CARD8: variants seen among roughly 807,000 people sequenced by gnomAD.
CARD8 encodes the protein caspase recruitment domain family member 8.
A neutral mutation model predicts 53.2 loss-of-function variants in CARD8; 38 were observed. That is an observed-to-expected ratio of 0.71 (90% CI 0.55 to 0.94). CARD8 has a LOEUF of 0.94. Among genes scored for constraint, CARD8 ranks in the 40% least tolerant of loss-of-function variants. The probability of loss-of-function intolerance (pLI) is 0.00; values close to 1 mark genes in which losing one functional copy is unlikely to be tolerated. For synonymous variants in CARD8, 245 were observed against 244.9 expected (o/e 1.00, Z 0.00); for missense variants, 561 against 655.5 (o/e 0.86, Z 1.57).
chr19:48,252,620 G>A (rs182679095), intron 1 of CARD8, among the ~76,000 whole-genome samples: 2 of 151,628 alleles, frequency 1.3e-5, no homozygotes, highest in Non-Finnish European at 2.9e-5. Flanking sequence ...TCAGCCTTCC[G>A]AGTAGCTAGG....
chr19:48,203,909 C>A (rs1039342688), downstream of CARD8: 8 of 289,600 alleles, frequency 2.8e-5, no homozygotes, highest in Admixed American at 1.4e-4. Context: ...CTACAACTCC[C>A]AGCCGGCTGA....
chr19:48,246,436 C>T (rs75419340), intron 3 of CARD8, among the ~76,000 whole-genome samples: 2 of 152,262 alleles, frequency 1.3e-5, no homozygotes, highest in East Asian at 3.9e-4. Context: ...TGTGTGTTTA[C>T]AGCTACTAAG....
At chr19:48,228,261 G>T (rs1050509367) in intron 10 of CARD8, among the ~76,000 whole-genome samples, 2 of 152,210 alleles carry the variant, frequency 1.3e-5, no homozygotes, top group African/African-American at 2.4e-5. Context: ...ATATTACAAT[G>T]TAATAATAAT....
intron 6 of CARD8, chr19:48,234,192 G>C (rs9304675): frequency 0.31 from 158,593 of 511,304 alleles, 25,638 homozygotes; most frequent in East Asian, 0.41. Flanking sequence ...TTGCCTTTTT[G>C]TGTATAGGTT....
intron 13 of CARD8, among the ~76,000 whole-genome samples, chr19:48,214,784 T>C (rs1022326466): frequency 0.023 from 2,781 of 119,440 alleles, 152 homozygotes; most frequent in Middle Eastern, 0.052. Context: ...TTTTTTTTTT[T>C]TTTTTTTTTT....
At chr19:48,235,867 C>T (rs1440055521) in intron 5 of CARD8, among the ~76,000 whole-genome samples, 1 of 150,746 alleles carries the variant, frequency 6.6e-6, no homozygotes, top group African/African-American at 2.4e-5. Flanking sequence ...AAGAAAATAA[C>T]TGAGGAATTA....
chr19:48,225,762 C>T (rs970249997), intron 10 of CARD8, among the ~76,000 whole-genome samples: 15 of 151,676 alleles, frequency 9.9e-5, no homozygotes, highest in African/African-American at 3.6e-4. Flanking sequence ...CACAAGAAGT[C>T]ATGGCTTCAG....
intron 12 of CARD8, among the ~76,000 whole-genome samples, chr19:48,217,570 G>A (rs1221385464): frequency 6.6e-6 from 1 of 152,104 alleles, no homozygotes; most frequent in Admixed American, 6.5e-5. Flanking sequence ...ATTAATCTGT[G>A]CCCATACAAC....
intron 5 of CARD8, 125 bp from the exon 6 acceptor site, chr19:48,234,668 C>T: frequency 1.3e-6 from 1 of 798,050 alleles, no homozygotes; most frequent in South Asian, 1.9e-5. Context: ...GGAAGTCATT[C>T]CTCAGGCCCC....
At chr19:48,231,223 G>A (rs1338526978) in intron 8 of CARD8, among the ~76,000 whole-genome samples, 1 of 152,144 alleles carries the variant, frequency 6.6e-6, no homozygotes, top group Non-Finnish European at 1.5e-5. Context: ...ACTTCACAGT[G>A]CATGAAATAA....
chr19:48,247,238 C>T (rs1210711753), intron 3 of CARD8, among the ~76,000 whole-genome samples: 2 of 152,164 alleles, frequency 1.3e-5, no homozygotes, highest in East Asian at 3.8e-4. Flanking sequence ...GCAGGAGAAT[C>T]GCTTGAACCA....
chr19:48,225,435 G>C (rs2041572578), intron 10 of CARD8, among the ~76,000 whole-genome samples: 1 of 152,130 alleles, frequency 6.6e-6, no homozygotes, highest in Non-Finnish European at 1.5e-5. Context: ...AGGTTGCAGT[G>C]AGCTGCGACT....
intron 1 of CARD8, among the ~76,000 whole-genome samples, chr19:48,254,362 C>A (rs2047317738): frequency 1.3e-5 from 2 of 152,250 alleles, no homozygotes; most frequent in South Asian, 4.1e-4. Flanking sequence ...CTGTAGAAAT[C>A]CATCATTGAA....
intron 3 of CARD8, among the ~76,000 whole-genome samples, chr19:48,242,198 G>T (rs1266441404): frequency 6.6e-6 from 1 of 152,146 alleles, no homozygotes; most frequent in Non-Finnish European, 1.5e-5. Flanking sequence ...CATGAGGGTG[G>T]AATCCTCATG....
At chr19:48,222,207 T>C (rs1233912416) in intron 10 of CARD8, among the ~76,000 whole-genome samples, 2 of 152,186 alleles carry the variant, frequency 1.3e-5, no homozygotes. Flanking sequence ...AAGGACTTCT[T>C]TTTGGTGCCT....
intron 4 of CARD8, among the ~76,000 whole-genome samples, chr19:48,240,244 CAGAG>C (rs1032247751): frequency 1.3e-5 from 2 of 152,134 alleles, no homozygotes; most frequent in African/African-American, 4.8e-5. Context: ...CTGAAACACA[CAGAG>C]GGAGGGCTTA....
At chr19:48,206,389 T>G, downstream of CARD8, 2 of 456,140 alleles carry the variant, frequency 4.4e-6, no homozygotes, top group African/African-American at 2.0e-5. Flanking sequence ...CCTACCGTAT[T>G]GGATAGTGAA....
At chr19:48,221,621 A>T in intron 11 of CARD8, 109 bp downstream of exon 11, 1 of 720,378 alleles carries the variant, frequency 1.4e-6, no homozygotes, top group Non-Finnish European at 2.1e-6. Context: ...TAAAGGGCAT[A>T]TTTGTGATTA....
chr19:48,220,026 T>C lies in CARD8; in HGVS notation c.1162-1014A>G, dbSNP rs554660345. 6.9e-4 allele frequency among the ~76,000 whole-genome samples: 105 copies of C among 152,328 alleles called. 1 individual carries two copies. Among genetic ancestry groups the C allele is most frequent in the African/African-American group, 2.3e-3 (97 of 41,580 alleles). On this transcript the variant is annotated intron_variant, in intron 11 of 13. Coordinates refer to ENST00000651546, the MANE Select transcript of CARD8 (RefSeq NM_001184900.3). ...GCCACTTCTTATCTCACATTTACTA[T>C]GTTGTATCATTCTGGATGAAATACC... is the stretch of plus-strand genomic sequence containing the variant.
Sources: gnomAD v4.1 joint callset for allele counts (sites outside exome capture counted in the v4.1 genomes callset) on GRCh38, gnomAD v4.1.1 for gene constraint, MANE v1.5 for transcripts, NCBI Gene and HGNC (gene_info 2026-07-23, HGNC 2026-07-21) for gene names.